CABIN1: variants seen among roughly 807,000 people sequenced by gnomAD.
CABIN1 encodes the protein calcineurin-binding protein cabin-1.
CABIN1 carries 133 observed loss-of-function variants against 227.7 expected under a neutral mutation model. That is an observed-to-expected ratio of 0.58 (90% CI 0.51 to 0.67). The LOEUF (loss-of-function observed/expected upper bound fraction) is 0.67, where lower values mean the gene tolerates loss of function less well. Among genes scored for constraint, CABIN1 ranks in the 30% least tolerant of loss-of-function variants. The pLI, the probability that CABIN1 is intolerant of heterozygous loss-of-function variation, is 0.00. For synonymous variants in CABIN1, 1,086 were observed against 1,155.1 expected (o/e 0.94, Z 1.21); for missense variants, 2,408 against 2,852.5 (o/e 0.84, Z 3.55).
chr22:24,089,046 A>G (rs540917504), intron 23 of CABIN1, among the ~76,000 whole-genome samples: 35 of 152,318 alleles, frequency 2.3e-4, no homozygotes, highest in African/African-American at 7.7e-4. Context: ...TGACTCCCCA[A>G]GAGGCCTTCC....
chr22:24,131,375 A>G (rs2044064975), intron 28 of CABIN1, among the ~76,000 whole-genome samples: 1 of 152,156 alleles, frequency 6.6e-6, no homozygotes, highest in African/African-American at 2.4e-5. Context: ...TCATGAAGTC[A>G]CAGCTGGAGG....
At chr22:24,049,836 C>T (rs574104818) in intron 7 of CABIN1, among the ~76,000 whole-genome samples, 2 of 152,244 alleles carry the variant, frequency 1.3e-5, no homozygotes, top group African/African-American at 2.4e-5. Flanking sequence ...GCCATCTTCC[C>T]ACCTCTCCAC....
intron 22 of CABIN1, among the ~76,000 whole-genome samples, chr22:24,086,382 A>G (rs1186687916): frequency 2.0e-5 from 3 of 152,142 alleles, no homozygotes; most frequent in African/African-American, 7.2e-5. Context: ...CCTCCCTCCA[A>G]CCTTCATACC....
intron 1 of CABIN1, among the ~76,000 whole-genome samples, chr22:24,017,125 C>G (rs1264489684): frequency 6.6e-6 from 1 of 151,346 alleles, no homozygotes; most frequent in Non-Finnish European, 1.5e-5. Context: ...CAACCTCCAC[C>G]TCTTGGGTTC....
At chr22:24,070,191 A>G (rs1295765661) in intron 16 of CABIN1, among the ~76,000 whole-genome samples, 2 of 152,236 alleles carry the variant, frequency 1.3e-5, no homozygotes, top group African/African-American at 4.8e-5. Flanking sequence ...TGCTGAGTGT[A>G]ATATGCACAT....
At chr22:24,044,342 C>G (rs1200006115) in intron 6 of CABIN1, among the ~76,000 whole-genome samples, 1 of 151,796 alleles carries the variant, frequency 6.6e-6, no homozygotes, top group East Asian at 1.9e-4. Context: ...TTTCTGTTCC[C>G]GTTAGTCCCC....
At chr22:24,036,213 A>T (rs2036874407) in intron 3 of CABIN1, 32 bp downstream of exon 3, 2 of 1,440,314 alleles carry the variant, frequency 1.4e-6, no homozygotes, top group Non-Finnish European at 2.0e-6. Context: ...CTGTAGGTGG[A>T]CCTTCTCATT....
At chr22:24,087,983 A>G (rs2041281971) in intron 23 of CABIN1, among the ~76,000 whole-genome samples, 1 of 152,170 alleles carries the variant, frequency 6.6e-6, no homozygotes, top group Non-Finnish European at 1.5e-5. Context: ...TAGTTGAGAG[A>G]TAGGGAGGGG....
At chr22:24,032,289 T>A (rs1178623872) in intron 1 of CABIN1, among the ~76,000 whole-genome samples, 1 of 152,246 alleles carries the variant, frequency 6.6e-6, no homozygotes, top group African/African-American at 2.4e-5. Flanking sequence ...GTTTTTAAAG[T>A]TTATTTCATG....
rs552794192 is a variant in CABIN1, at chr22:24,046,896, A to C, written c.527-2195A>C. On this transcript the variant is annotated intron_variant, in intron 6 of 36. Transcript: ENST00000263119. ...CTTGGTTTTAGTGAGAAGGTAGAAAACCCCCCCCACCGCAATGTCCCAGTT... is the reference window on the plus strand; with the variant it reads ...CTTGGTTTTAGTGAGAAGGTAGAAACCCCCCCCCACCGCAATGTCCCAGTT... Among the ~76,000 whole-genome samples the C allele has an allele frequency of 3.3e-4, 49 of 148,116 alleles. No homozygotes were observed. In the East Asian group the frequency reaches 4.0e-3, roughly 12 times the overall value.
At chr22:24,167,559 C>A (rs186630012) in intron 32 of CABIN1, among the ~76,000 whole-genome samples, 119 of 152,354 alleles carry the variant, frequency 7.8e-4, no homozygotes, top group African/African-American at 2.7e-3. Context: ...ACCGCTGCTC[C>A]CACCGCTGCG....
At chr22:24,174,539 C>T (rs1321244667) in intron 34 of CABIN1, among the ~76,000 whole-genome samples, 2 of 152,204 alleles carry the variant, frequency 1.3e-5, no homozygotes, top group Non-Finnish European at 2.9e-5. Flanking sequence ...TGTCCCTCTG[C>T]CTGGGGCTGT....
intron 1 of CABIN1, among the ~76,000 whole-genome samples, chr22:24,032,935 A>G (rs181596787): frequency 6.6e-5 from 10 of 152,258 alleles, no homozygotes; most frequent in Admixed American, 2.6e-4. Context: ...AAAATTAGCC[A>G]GGCGTGGTGG....
At chr22:24,142,301 C>T (rs1314753740) in intron 29 of CABIN1, among the ~76,000 whole-genome samples, 1 of 152,172 alleles carries the variant, frequency 6.6e-6, no homozygotes, top group African/African-American at 2.4e-5. Context: ...CCATTGCCCT[C>T]CCAAAACCTC....
chr22:24,076,924 G>A (rs2040482279), intron 19 of CABIN1, among the ~76,000 whole-genome samples: 1 of 152,116 alleles, frequency 6.6e-6, no homozygotes, highest in Admixed American at 6.5e-5. Flanking sequence ...CCAAGACAGG[G>A]ACCTCAGACC....
At position 24,060,123 on chromosome 22, in the gene CABIN1, C is replaced by T; in HGVS notation, c.1599C>T (p.Cys533=). Residue 533 remains cysteine, a synonymous_variant, in exon 12 of 37, where the codon TGC becomes TGT. Transcript: ENST00000263119. ...TGCCCAACCCGCTGCTGAGGGACTG[C>T]AGCAACAAGCACATCAAGGTTAGGG... ...TSLPNPLLRD[C]SNKHIKDMML... The T allele has an allele frequency of 6.2e-7, 1 of 1,613,648 alleles. No homozygotes were observed. The highest frequency in any genetic ancestry group is 8.5e-7 in the Non-Finnish European group (1 of 1,179,972).
Position 24,084,749 on chromosome 22 carries a change from C to A in CABIN1, c.3081C>A (p.Asp1027Glu). 6.2e-7 allele frequency: 1 copy of A among 1,614,244 alleles called. No homozygotes were observed. The highest frequency in any genetic ancestry group is 8.5e-7 in the Non-Finnish European group (1 of 1,180,036). Residue 1027 changes from aspartate (D) to glutamate (E), a missense_variant, in exon 21 of 37, where the codon GAC (aspartate) becomes GAA (glutamate). Asp to Glu is a conservative substitution (Grantham distance 45). Around this residue, in one of 3 missense-constraint regions of CABIN1, gnomAD observed 649 missense variants for 910.3 expected, o/e 0.71. Coordinates refer to ENST00000263119, the MANE Select transcript of CABIN1 (RefSeq NM_012295.4). Reference sequence around the variant, plus strand: ...CAGAGAGGCCAGCCCTTAGCCTGGACAAAGTCTCTGCCTACATTGAGGGAA... The same window carrying A: ...CAGAGAGGCCAGCCCTTAGCCTGGAAAAAGTCTCTGCCTACATTGAGGGAA... ...PRTERPALSLDKVSAYIEGTS... is the reference protein window; with the variant it reads ...PRTERPALSLEKVSAYIEGTS...
chr22:24,042,823 T>TGTGTGTGTGC, intron 5 of CABIN1, 81 bp from the exon 6 acceptor site: 1 of 423,972 alleles, frequency 2.4e-6, no homozygotes, highest in Non-Finnish European at 4.2e-6. Context: ...TCTGACTGTG[T>TGTGTGTGTGC]GTGTGTGTGT....
At position 24,178,161 on chromosome 22, in the gene CABIN1, G is replaced by A; in HGVS notation, c.6628G>A (p.Glu2210Lys). 6.2e-7 allele frequency: 1 copy of A among 1,613,542 alleles called. No homozygotes were observed. The highest frequency in any genetic ancestry group is 8.5e-7 in the Non-Finnish European group (1 of 1,179,968). The stretch of plus-strand genomic sequence containing the variant: ...CAGCCAGGAGTCCTCGCTGGAGAGC[G>A]AGACAGACGAGGACGACGACTACAT... ...TSSQESSLESETDEDDDYMDI is the reference protein window; with the variant it reads ...TSSQESSLESKTDEDDDYMDI The change falls in exon 37 of 37, where the codon GAG (glutamate) becomes AAG (lysine). Residue 2210 changes from glutamate (E) to lysine (K), a missense_variant. Physicochemically the swap from Glu to Lys is moderately conservative, Grantham distance 56. Transcript: ENST00000263119.
Sources: gnomAD v4.1 joint callset for allele counts (sites outside exome capture counted in the v4.1 genomes callset) on GRCh38, gnomAD v4.1.1 for gene constraint, gnomAD v4.1.1 regional missense constraint, MANE v1.5 for transcripts, NCBI Gene and HGNC (gene_info 2026-07-23, HGNC 2026-07-21) for gene names.